Variants in TJP1 observed in about 807,000 individuals in gnomAD.
The protein encoded by TJP1 is tight junction protein 1.
In TJP1, 43 loss-of-function variants were observed where a neutral mutation model predicts 194.2. That is an observed-to-expected ratio of 0.22 (90% CI 0.17 to 0.29). The LOEUF is 0.29. Ranked by LOEUF, TJP1 falls within the 10% of genes least tolerant of loss-of-function variation. TJP1 has a pLI of 1.00. For synonymous variants in TJP1, 801 were observed against 779.0 expected (o/e 1.03, Z -0.47); for missense variants, 1,971 against 2,185.7 (o/e 0.90, Z 1.96).
At chr15:29,859,603 C>T (rs1455293431) in intron 2 of TJP1, among the ~76,000 whole-genome samples, 2 of 152,020 alleles carry the variant, frequency 1.3e-5, no homozygotes, top group Non-Finnish European at 2.9e-5. Context: ...AACCGGGTTC[C>T]TCAGAGCCAT....
chr15:29,769,358 T>C (rs1041339201), intron 4 of TJP1, among the ~76,000 whole-genome samples: 5 of 152,242 alleles, frequency 3.3e-5, no homozygotes, highest in South Asian at 2.1e-4. Context: ...CAATAGCCTA[T>C]TGATTTTCTG....
intron 2 of TJP1, among the ~76,000 whole-genome samples, chr15:29,859,830 T>C (rs1330550598): frequency 2.0e-5 from 3 of 152,190 alleles, no homozygotes; most frequent in East Asian, 1.9e-4. Context: ...GAAGGCACCA[T>C]AGCATTTATG....
intron 2 of TJP1, among the ~76,000 whole-genome samples, chr15:29,834,500 G>A (rs528717346): frequency 6.6e-6 from 1 of 152,244 alleles, no homozygotes; most frequent in Non-Finnish European, 1.5e-5. Flanking sequence ...TTACAGGCAT[G>A]AGCCACCGCA....
intron 2 of TJP1, among the ~76,000 whole-genome samples, chr15:29,938,626 T>C (rs573447469): frequency 6.6e-6 from 1 of 152,212 alleles, no homozygotes; most frequent in Non-Finnish European, 1.5e-5. Flanking sequence ...TAAATCACCT[T>C]CGAATAAGCA....
rs149896658 is a variant in TJP1 at position 29,780,805 on chromosome 15, A to G, written c.85-7448T>C. On this transcript the variant is annotated intron_variant, in intron 2 of 27. Coordinates refer to ENST00000614355, the MANE Select transcript of TJP1 (RefSeq NM_001330239.4). The stretch of plus-strand genomic sequence containing the variant: ...TTAAAAGGTCATTTTAGATAGGAAT[A>G]TAAGACCAAAAAACATCTTAAGAGA... Among the ~76,000 whole-genome samples, 133 of 152,340 alleles carry G rather than the reference A, an allele frequency of 8.7e-4. 5 individuals are homozygous for G. The highest frequency in any genetic ancestry group is 3.1e-3 in the African/African-American group (129 of 41,580).
rs548417328 is a variant in TJP1 at position 29,842,658 on chromosome 15, T to C, written c.307-41956A>G. On this transcript the variant is annotated intron_variant, in intron 2 of 28. Coordinates refer to the TJP1 transcript ENST00000356107. ...TAGTCAATGTTGTAAGAAAATGACA[T>C]TGAATGAAATGATGTTATTCAAGAA... is the stretch of plus-strand genomic sequence containing the variant. 9.2e-5 allele frequency among the ~76,000 whole-genome samples: 14 copies of C among 152,296 alleles called. No homozygotes were observed. In the South Asian group the frequency reaches 2.7e-3, roughly 29 times the overall value.
intron 18 of TJP1, among the ~76,000 whole-genome samples, chr15:29,724,756 G>T (rs11073218): frequency 0.89 from 136,041 of 152,174 alleles, 60,940 homozygotes; most frequent in Admixed American, 0.93. Flanking sequence ...AAGATAAGCT[G>T]TAAGTTGTAA....
chr15:29,765,132 G>A (rs938041064), intron 5 of TJP1, among the ~76,000 whole-genome samples: 1 of 152,154 alleles, frequency 6.6e-6, no homozygotes, highest in African/African-American at 2.4e-5. Context: ...TTAACCATGT[G>A]AAATGATACT....
chr15:29,730,565 C>T, intron 15 of TJP1: 1 of 493,558 alleles, frequency 2.0e-6, no homozygotes, highest in Non-Finnish European at 3.9e-6. Flanking sequence ...CCACTGCACT[C>T]CTGCCTGGGC....
chr15:29,704,953 A>C (rs1284636170), intron 26 of TJP1, among the ~76,000 whole-genome samples: 1 of 152,246 alleles, frequency 6.6e-6, no homozygotes, highest in African/African-American at 2.4e-5. Context: ...CACTGCTAAA[A>C]GATGCTAAAT....
chr15:29,745,789 A>G (rs1322595634), intron 8 of TJP1, among the ~76,000 whole-genome samples: 1 of 152,236 alleles, frequency 6.6e-6, no homozygotes, highest in Non-Finnish European at 1.5e-5. Flanking sequence ...TCTTATCAAA[A>G]GAATAAACTG....
chr15:29,933,145 T>TATTA (rs2054774628), intron 2 of TJP1, among the ~76,000 whole-genome samples: 1 of 152,188 alleles, frequency 6.6e-6, no homozygotes, highest in Non-Finnish European at 1.5e-5. Context: ...TATTAATAAA[T>TATTA]ACATATACAT....
In TJP1 at chr15:29,968,606, G is replaced by C. The variant is rs947970570; in HGVS notation, c.173+61C>G. ...CGGCCGCCGCTCGCTCTCCCACTCC[G>C]GCCCCCGCCCCGCTCCGCGCCTAGC... On this transcript the variant is annotated intron_variant, in intron 1 of 28. Coordinates refer to the TJP1 transcript ENST00000356107. 3 of 946,082 alleles carry C rather than the reference G, an allele frequency of 3.2e-6. No homozygotes were observed. In the African/African-American group the frequency reaches 5.4e-5, roughly 17 times the overall value. 58.6% of individuals were successfully genotyped at this position (946,082 alleles called of 1,614,324 possible). A position where few individuals can be genotyped will look rare whatever the true frequency, so the allele number is the denominator to read the frequency against.
chr15:29,845,295 C>T (rs2051366681), intron 2 of TJP1, among the ~76,000 whole-genome samples: 1 of 152,108 alleles, frequency 6.6e-6, no homozygotes. Context: ...AAACTCTAAA[C>T]AGATGCTGGG....
chr15:29,801,877 C>T (rs1214214637), intron 1 of TJP1, among the ~76,000 whole-genome samples: 5 of 151,108 alleles, frequency 3.3e-5, no homozygotes, highest in African/African-American at 1.2e-4. Flanking sequence ...CTAATGAAAG[C>T]TGATGAGCTT....
chr15:29,756,494 T>G (rs974383509), intron 8 of TJP1, among the ~76,000 whole-genome samples: 2 of 152,198 alleles, frequency 1.3e-5, no homozygotes, highest in Non-Finnish European at 2.9e-5. Flanking sequence ...AATAAAACTT[T>G]ACAAAAGGAG....
At chr15:29,846,707 C>T (rs543756716) in intron 2 of TJP1, among the ~76,000 whole-genome samples, 19 of 152,098 alleles carry the variant, frequency 1.2e-4, no homozygotes, top group South Asian at 4.2e-4. Context: ...GGGCGGATCA[C>T]GAGGTCAGGA....
chr15:29,830,776 G>A (rs1156670421), intron 2 of TJP1, among the ~76,000 whole-genome samples: 1 of 151,970 alleles, frequency 6.6e-6, no homozygotes, highest in Non-Finnish European at 1.5e-5. Context: ...TGTCCGTATT[G>A]TAATCTCCAA....
intron 2 of TJP1, among the ~76,000 whole-genome samples, chr15:29,827,527 C>A (rs901963111): frequency 6.6e-6 from 1 of 152,154 alleles, no homozygotes; most frequent in East Asian, 1.9e-4. Context: ...CTCTTCTAGC[C>A]GGCTTGAGGC....
Sources: allele counts gnomAD v4.1 joint callset (sites outside exome capture counted in the v4.1 genomes callset), GRCh38; gene constraint gnomAD v4.1.1; transcripts MANE v1.5; gene names NCBI Gene and HGNC (gene_info 2026-07-23, HGNC 2026-07-21).